The following TMEM132C variants were observed in gnomAD, a reference collection of about 807,000 sequenced individuals.
The protein encoded by TMEM132C is protein phosphatase 1, regulatory subunit 152.
In TMEM132C, 29 loss-of-function variants were observed where a neutral mutation model predicts 61.4. The observed-to-expected ratio is 0.47, with a 90% CI of 0.35 to 0.64. The LOEUF (loss-of-function observed/expected upper bound fraction) is 0.64. TMEM132C is among the 30% of genes least tolerant of loss of function. The pLI is 0.00. For synonymous variants in TMEM132C, 656 were observed against 633.1 expected, an observed-to-expected ratio of 1.04 and a Z score of -0.54; for missense variants, 1,408 against 1,476.9, an observed-to-expected ratio of 0.95 and a Z score of 0.76.
chr12:128,412,954 C>T (rs937462175), intron 1 of TMEM132C, among the ~76,000 whole-genome samples: 1 of 152,076 alleles, frequency 6.6e-6, no homozygotes, highest in African/African-American at 2.4e-5. Flanking sequence ...TTCATTCAGC[C>T]ATTTTTCTGC....
At chr12:128,451,720 C>T (rs1023899936) in intron 2 of TMEM132C, among the ~76,000 whole-genome samples, 2 of 152,056 alleles carry the variant, frequency 1.3e-5, no homozygotes, top group African/African-American at 2.4e-5. Flanking sequence ...AAACAAGTTT[C>T]CTCCTGATGG....
chr12:128,441,899 G>A (rs1436706087), intron 2 of TMEM132C, among the ~76,000 whole-genome samples: 2 of 152,208 alleles, frequency 1.3e-5, no homozygotes, highest in Non-Finnish European at 2.9e-5. Context: ...CTACTTGGGA[G>A]GCTGAGGCAG....
intron 5 of TMEM132C, among the ~76,000 whole-genome samples, chr12:128,681,171 G>C (rs192115518): frequency 3.7e-4 from 56 of 152,242 alleles, no homozygotes; most frequent in Non-Finnish European, 6.9e-4. Flanking sequence ...AGTAAAGATG[G>C]GTTTCACCAT....
chr12:128,469,672 ATATG>A (rs202026820), intron 2 of TMEM132C, among the ~76,000 whole-genome samples: 13 of 145,470 alleles, frequency 8.9e-5, no homozygotes, highest in African/African-American at 3.6e-4. Context: ...GTATATATAT[ATATG>A]TGCATTTATG....
rs960263927 is a variant in TMEM132C, at chr12:128,515,488, A to T, written c.975-28469A>T. ...ACCTACTTTTGGGCTTCTGTTTAAC[A>T]AAAAGTGAATGCTCTAGCCACCATT... On this transcript the variant is annotated intron_variant, in intron 2 of 8. Coordinates refer to ENST00000435159, the MANE Select transcript of TMEM132C (RefSeq NM_001136103.3). Among the ~76,000 whole-genome samples the T allele has an allele frequency of 3.3e-5, 5 of 152,322 alleles. No homozygotes were observed. In the East Asian group the frequency reaches 9.6e-4, roughly 29 times the overall value.
At chr12:128,398,997 G>A (rs1052729817) in intron 1 of TMEM132C, among the ~76,000 whole-genome samples, 8 of 152,160 alleles carry the variant, frequency 5.3e-5, no homozygotes, top group African/African-American at 1.9e-4. Flanking sequence ...AGAGAAAATT[G>A]CTTTTATCTT....
At chr12:128,659,309 A>G (rs12228929) in intron 4 of TMEM132C, among the ~76,000 whole-genome samples, 83,301 of 152,056 alleles carry the variant, frequency 0.55, 22,829 homozygotes, top group East Asian at 0.63. Flanking sequence ...GATGTGAAAG[A>G]CGTCTGTGAA....
chr12:128,441,443 A>T (rs1268470838), intron 2 of TMEM132C, among the ~76,000 whole-genome samples: 1 of 152,218 alleles, frequency 6.6e-6, no homozygotes, highest in Non-Finnish European at 1.5e-5. Context: ...TTCCACTGCT[A>T]AAAGCATAGC....
chr12:128,316,371 C>T (rs769378857), intron 1 of TMEM132C, among the ~76,000 whole-genome samples: 2 of 152,168 alleles, frequency 1.3e-5, no homozygotes, highest in African/African-American at 2.4e-5. Context: ...TTCCCCACCA[C>T]CTCCACAGCA....
intron 1 of TMEM132C, among the ~76,000 whole-genome samples, chr12:128,317,405 A>G (rs1872189387): frequency 6.6e-6 from 1 of 152,250 alleles, no homozygotes; most frequent in Admixed American, 6.5e-5. Flanking sequence ...TTCAAATACC[A>G]GATGATGAAA....
At chr12:128,523,097 C>T (rs1323211986) in intron 2 of TMEM132C, among the ~76,000 whole-genome samples, 2 of 152,194 alleles carry the variant, frequency 1.3e-5, no homozygotes, top group Admixed American at 6.5e-5. Context: ...GAAATTCTGA[C>T]TCACATTACA....
Position 128,317,799 on chromosome 12 carries a change from G to A in TMEM132C, c.85+50312G>A, listed in dbSNP as rs921710764. On this transcript the variant is annotated intron_variant, in intron 1 of 8. Transcript: ENST00000435159. The stretch of plus-strand genomic sequence containing the variant: ...ACTAGGGAGGCTGAGGCAGGAGGAC[G>A]GCTTGAACCTGGGAGGCAGAGGTTT... 7.9e-5 allele frequency among the ~76,000 whole-genome samples: 12 copies of A among 152,160 alleles called. No homozygotes were observed. The South Asian group carries it at 1.5e-3, about 18-fold the overall frequency.
intron 4 of TMEM132C, among the ~76,000 whole-genome samples, chr12:128,635,124 C>A (rs888800167): frequency 3.3e-5 from 5 of 152,198 alleles, no homozygotes; most frequent in African/African-American, 1.2e-4. Flanking sequence ...GACCTAGATT[C>A]ACTTACAAAT....
At chr12:128,560,688 C>T in intron 3 of TMEM132C, among the ~76,000 whole-genome samples, 1 of 152,156 alleles carries the variant, frequency 6.6e-6, no homozygotes. Context: ...TGCCTATCGC[C>T]CTCACGTCTG....
intron 1 of TMEM132C, among the ~76,000 whole-genome samples, chr12:128,296,860 A>G (rs1871430918): frequency 6.6e-6 from 1 of 152,232 alleles, no homozygotes; most frequent in African/African-American, 2.4e-5. Flanking sequence ...TCTTCTAACC[A>G]GCATTAAAAT....
chr12:128,296,470 T>C (rs1035908956), intron 1 of TMEM132C, among the ~76,000 whole-genome samples: 3 of 152,152 alleles, frequency 2.0e-5, no homozygotes, highest in Non-Finnish European at 2.9e-5. Flanking sequence ...GGTACACAGT[T>C]TATATGTTTA....
chr12:128,519,380 C>T (rs759632650), intron 2 of TMEM132C, among the ~76,000 whole-genome samples: 12 of 152,304 alleles, frequency 7.9e-5, no homozygotes, highest in African/African-American at 1.7e-4. Context: ...GAATGAACCA[C>T]GATAAGTTGC....
At chr12:128,522,217 C>T (rs7316357) in intron 2 of TMEM132C, among the ~76,000 whole-genome samples, 4,455 of 152,240 alleles carry the variant, frequency 0.029, 211 homozygotes, top group African/African-American at 0.1. Context: ...AACAATTAGC[C>T]GCGCACACAT....
intron 5 of TMEM132C, among the ~76,000 whole-genome samples, chr12:128,676,024 T>C (rs1175886129): frequency 6.6e-6 from 1 of 152,238 alleles, no homozygotes; most frequent in African/African-American, 2.4e-5. Context: ...TCAACTTCAG[T>C]TAATTTAATG....
Sources: allele counts gnomAD v4.1 joint callset (sites outside exome capture counted in the v4.1 genomes callset), GRCh38; gene constraint gnomAD v4.1.1; transcripts MANE v1.5; gene names NCBI Gene and HGNC (gene_info 2026-07-23, HGNC 2026-07-21).